PTGER4: variants seen among roughly 807,000 people sequenced by gnomAD.
PTGER4 encodes prostaglandin E2 receptor EP4 subtype.
PTGER4 carries 11 observed loss-of-function variants against 33.2 expected under a neutral mutation model. The observed-to-expected ratio is 0.33, with a 90% CI of 0.21 to 0.55. The LOEUF is 0.55. Among genes scored for constraint, PTGER4 ranks in the 20% least tolerant of loss-of-function variants. The pLI, the probability that PTGER4 is intolerant of heterozygous loss-of-function variation, is 0.92. For synonymous variants in PTGER4, 275 were observed against 281.5 expected (o/e 0.98, Z 0.23); for missense variants, 481 against 650.2 (o/e 0.74, Z 2.83).
rs181761766 is a variant in PTGER4, at chr5:40,691,848, C to A, written c.937C>A (p.Gln313Lys). 933 of 1,614,226 alleles carry A rather than the reference C, an allele frequency of 5.8e-4. 10 individuals are homozygous for A. Among genetic ancestry groups the A allele is most frequent in the Non-Finnish European group, 2.8e-5 (33 of 1,180,030 alleles). Residue 313 changes from glutamine (Q) to lysine (K), a missense_variant, in exon 3 of 3, where the codon CAG becomes AAG. By Grantham distance (53) the Gln-to-Lys change is moderately conservative. Transcript: ENST00000302472. The surrounding 1 kb of genome is among the most constrained non-coding windows in gnomAD (Gnocchi z 4.2). ...EREVSKNPDL[Q>K]AIRIASVNPI... ...AGAAGTCAGTAAAAATCCAGATTTGCAGGCCATCCGAATTGCTTCTGTGAA... is the reference window on the plus strand; with the variant it reads ...AGAAGTCAGTAAAAATCCAGATTTGAAGGCCATCCGAATTGCTTCTGTGAA...
At chr5:40,725,350 A>C in the PTGER4 span, among the ~76,000 whole-genome samples, 1 of 152,086 alleles carries the variant, frequency 6.6e-6, no homozygotes, top group African/African-American at 2.4e-5. Context: ...TCACTTGTCC[A>C]TCCCATTACT....
the PTGER4 span, among the ~76,000 whole-genome samples, chr5:40,741,363 T>C: frequency 6.6e-6 from 1 of 152,190 alleles, no homozygotes; most frequent in African/African-American, 2.4e-5. Context: ...AGACACTCCA[T>C]TCTGAATGGC....
At chr5:40,732,647 T>A in the PTGER4 span, among the ~76,000 whole-genome samples, 2 of 151,984 alleles carry the variant, frequency 1.3e-5, no homozygotes, top group African/African-American at 2.4e-5. Flanking sequence ...TCACCCAGGC[T>A]GGAGTACATG....
At chr5:40,726,472 T>TA in the PTGER4 span, among the ~76,000 whole-genome samples, 1 of 151,724 alleles carries the variant, frequency 6.6e-6, no homozygotes, top group Non-Finnish European at 1.5e-5. Context: ...CTTTTTTTTT[T>TA]ACCATTCTAG....
At position 40,681,095 on chromosome 5, in the gene PTGER4, C is replaced by G. The variant is rs778900177; in HGVS notation, c.102C>G (p.Gly34=). Residue 34 remains glycine (G), a synonymous_variant, in exon 2 of 3, where the codon GGC becomes GGG. Transcript: ENST00000302472. The surrounding 1 kb of genome is among the most constrained non-coding windows in gnomAD (Gnocchi z 9.8). ...TGATGTTCATCTTCGGGGTGGTGGG[C>G]AACCTGGTGGCCATCGTGGTGCTGT... ...PAVMFIFGVV[G]NLVAIVVLCK... 1 of 1,614,086 alleles carries G rather than the reference C, an allele frequency of 6.2e-7. No individual in the cohort carries two copies. The highest frequency in any genetic ancestry group is 1.1e-5 in the South Asian group (1 of 91,074).
chr5:40,686,753 G>A (rs1167712811), intron 2 of PTGER4, among the ~76,000 whole-genome samples: 3 of 152,098 alleles, frequency 2.0e-5, no homozygotes, highest in Non-Finnish European at 4.4e-5. Flanking sequence ...AAAAAATTAG[G>A]TGGGTGTGGT....
the PTGER4 span, chr5:40,716,640 AGCTAC>A: frequency 1.6e-6 from 1 of 607,232 alleles, no homozygotes; most frequent in Non-Finnish European, 2.8e-6. Flanking sequence ...AAAAGATGGA[AGCTAC>A]GGTGTTGCCC....
At chr5:40,745,751 A>C in the PTGER4 span, among the ~76,000 whole-genome samples, 5 of 151,342 alleles carry the variant, frequency 3.3e-5, no homozygotes, top group East Asian at 5.8e-4. Flanking sequence ...TTGTTTATTT[A>C]TTTGACAGGG....
chr5:40,688,406 ATAC>A (rs1741384358), intron 2 of PTGER4, among the ~76,000 whole-genome samples: 1 of 152,220 alleles, frequency 6.6e-6, no homozygotes, highest in Non-Finnish European at 1.5e-5. Flanking sequence ...ACAGGACTTG[ATAC>A]TAACAGATTT....
intron 2 of PTGER4, among the ~76,000 whole-genome samples, chr5:40,688,456 T>C (rs1741385970): frequency 6.6e-6 from 1 of 152,186 alleles, no homozygotes; most frequent in Non-Finnish European, 1.5e-5. Flanking sequence ...GAACGTAGTA[T>C]GTGATGTGAA....
chr5:40,695,667 G>A (rs913099613), downstream of PTGER4, among the ~76,000 whole-genome samples: 4 of 152,032 alleles, frequency 2.6e-5, no homozygotes, highest in Admixed American at 6.6e-5. Flanking sequence ...AGCCAAGATC[G>A]GCCACTGAAC....
the PTGER4 span, chr5:40,730,260 A>T: frequency 1.3e-6 from 2 of 1,593,176 alleles, no homozygotes; most frequent in Non-Finnish European, 1.7e-6. Flanking sequence ...CATAATTATT[A>T]CCTGTGATTT....
chr5:40,734,693 C>T, the PTGER4 span, among the ~76,000 whole-genome samples: 3 of 152,186 alleles, frequency 2.0e-5, no homozygotes, highest in Non-Finnish European at 4.4e-5. Flanking sequence ...ACAGCTTATT[C>T]ACTTTATAAA....
the PTGER4 span, among the ~76,000 whole-genome samples, chr5:40,701,849 C>T: frequency 6.6e-6 from 1 of 152,158 alleles, no homozygotes; most frequent in African/African-American, 2.4e-5. Flanking sequence ...TGAAAGCCTA[C>T]AAGCCAGAAG....
chr5:40,709,242 T>G, the PTGER4 span, among the ~76,000 whole-genome samples: 79 of 152,318 alleles, frequency 5.2e-4, no homozygotes, highest in East Asian at 0.013. Flanking sequence ...GAAGTCAAAT[T>G]GTCCCTGTTT....
At chr5:40,708,346 G>A in the PTGER4 span, among the ~76,000 whole-genome samples, 7 of 151,988 alleles carry the variant, frequency 4.6e-5, no homozygotes, top group Non-Finnish European at 8.8e-5. Flanking sequence ...ATGATAAAGG[G>A]GAGATCACCA....
chr5:40,743,667 G>A, the PTGER4 span, among the ~76,000 whole-genome samples: 3 of 152,194 alleles, frequency 2.0e-5, no homozygotes, highest in Non-Finnish European at 2.9e-5. Flanking sequence ...CAGCTACCTG[G>A]GAGGCTGAGG....
the PTGER4 span, chr5:40,715,998 C>T: frequency 4.9e-6 from 3 of 607,120 alleles, no homozygotes; most frequent in African/African-American, 1.8e-5. Context: ...TACAATAATC[C>T]TGCCATTTTA....
At chr5:40,735,461 G>C in the PTGER4 span, among the ~76,000 whole-genome samples, 680 of 152,222 alleles carry the variant, frequency 4.5e-3, 6 homozygotes, top group African/African-American at 0.016. Flanking sequence ...AAAAAAGAAA[G>C]AAATCCAGGA....
Sources: allele counts gnomAD v4.1 joint callset (sites outside exome capture counted in the v4.1 genomes callset), GRCh38; gene constraint gnomAD v4.1.1; non-coding constraint Gnocchi (gnomAD v3.1); transcripts MANE v1.5; gene names NCBI Gene and HGNC (gene_info 2026-07-23, HGNC 2026-07-21).